Variants in NECTIN2 observed in about 807,000 individuals in gnomAD.
The protein encoded by NECTIN2 is nectin cell adhesion molecule 2.
In NECTIN2, 23 loss-of-function variants were observed where a neutral mutation model predicts 56.9. The ratio of observed to expected loss-of-function variants is 0.40; its 90% CI spans 0.29 to 0.57. The LOEUF is 0.57. Among genes scored for constraint, NECTIN2 ranks in the 20% least tolerant of loss-of-function variants. The probability of loss-of-function intolerance (pLI) is 0.38; values close to 1 mark genes in which losing one functional copy is unlikely to be tolerated. For missense variants in NECTIN2, 587 were observed against 718.3 expected (o/e 0.82, Z 2.09); for synonymous variants, 302 against 313.8 (o/e 0.96, Z 0.40).
At chr19:44,881,971 G>C (rs534935255) in intron 5 of NECTIN2, 2 of 363,814 alleles carry the variant, frequency 5.5e-6, no homozygotes, top group East Asian at 4.1e-5. Flanking sequence ...TGCCCAACCA[G>C]AATCAAAGTT....
chr19:44,878,845 G>A, intron 5 of NECTIN2: 1 of 1,324,066 alleles, frequency 7.6e-7, no homozygotes, highest in Non-Finnish European at 9.6e-7. Context: ...TGGGGATCCA[G>A]AGAGGACCCC....
intron 1 of NECTIN2, among the ~76,000 whole-genome samples, chr19:44,852,981 GC>G (rs1225008389): frequency 1.3e-5 from 2 of 151,968 alleles, no homozygotes; most frequent in African/African-American, 4.8e-5. Context: ...GTATGGTGGT[GC>G]CCGCCTGTAG....
chr19:44,864,475 G>A (rs1208448629), intron 1 of NECTIN2, among the ~76,000 whole-genome samples: 1 of 151,890 alleles, frequency 6.6e-6, no homozygotes, highest in Non-Finnish European at 1.5e-5. Flanking sequence ...TTGAAGTCTT[G>A]AGCCACTACC....
chr19:44,859,550 G>A (rs1194410036), intron 1 of NECTIN2, among the ~76,000 whole-genome samples: 2 of 152,174 alleles, frequency 1.3e-5, no homozygotes, highest in Non-Finnish European at 2.9e-5. Context: ...TGGGCCACAC[G>A]CCGTGGCTCA....
At chr19:44,860,113 CAT>C (rs1969014744) in intron 1 of NECTIN2, among the ~76,000 whole-genome samples, 2 of 152,150 alleles carry the variant, frequency 1.3e-5, no homozygotes, top group African/African-American at 4.8e-5. Context: ...ACAAAGGCTA[CAT>C]AGTCTATTAC....
At chr19:44,859,997 G>A (rs387369) in intron 1 of NECTIN2, among the ~76,000 whole-genome samples, 50,966 of 152,098 alleles carry the variant, frequency 0.34, 9,343 homozygotes, top group Non-Finnish European at 0.39. Context: ...AATGTGGTCC[G>A]TCCATGTAGT....
intron 1 of NECTIN2, among the ~76,000 whole-genome samples, chr19:44,856,473 TTGAAGAACCCGCAACGGC>T (rs1968966761): frequency 6.6e-6 from 1 of 152,110 alleles, no homozygotes; most frequent in Admixed American, 6.6e-5. Context: ...CATTCTCTAT[TTGAAGAACCCGCAACGGC>T]TCCCACTTGC....
chr19:44,869,097 T>G (rs8104483), intron 2 of NECTIN2, among the ~76,000 whole-genome samples: 43,063 of 151,638 alleles, frequency 0.28, 6,288 homozygotes, highest in Middle Eastern at 0.46. Flanking sequence ...CACAGCCGTT[T>G]TCCATAATAC....
chr19:44,887,344 G>A (rs760273089), intron 8 of NECTIN2, among the ~76,000 whole-genome samples: 18 of 149,190 alleles, frequency 1.2e-4, no homozygotes, highest in Admixed American at 9.4e-4. Flanking sequence ...GCAAGACTCC[G>A]TCTCAAAAAA....
intron 3 of NECTIN2, 42 bp from the exon 4 acceptor site, chr19:44,873,874 G>A: frequency 1.4e-6 from 2 of 1,475,118 alleles, no homozygotes; most frequent in Non-Finnish European, 1.9e-6. Context: ...ACCCGCTCTG[G>A]GATTCTCCTC....
intron 5 of NECTIN2, among the ~76,000 whole-genome samples, chr19:44,881,602 G>A (rs796744508): frequency 1.2e-3 from 177 of 151,766 alleles, no homozygotes; most frequent in African/African-American, 3.9e-3. Context: ...TGGGAGGATC[G>A]CTTGAGCCCA....
In NECTIN2 at chr19:44,878,314, G is replaced by A. The variant is rs1250989621; in HGVS notation, c.1042+3836G>A. 4 of 1,495,902 alleles carry A rather than the reference G, an allele frequency of 2.7e-6. No homozygotes were observed. The Admixed American group carries it at 7.9e-5, about 30-fold the overall frequency. The allele number at this position is 1,495,902 out of a possible 1,614,324, so 92.7% of individuals were successfully genotyped here. On this transcript the variant is annotated intron_variant, in intron 5 of 8. Coordinates refer to ENST00000252483, the MANE Select transcript of NECTIN2 (RefSeq NM_001042724.2). ...TGGTGCTGCTGCTTCTGGCTGGGGGGTCCTTGGCCTTCATCCTGCTGAGGG... is the reference window on the plus strand; with the variant it reads ...TGGTGCTGCTGCTTCTGGCTGGGGGATCCTTGGCCTTCATCCTGCTGAGGG...
intron 1 of NECTIN2, among the ~76,000 whole-genome samples, chr19:44,856,063 G>A (rs905398619): frequency 4.6e-5 from 7 of 152,196 alleles, no homozygotes; most frequent in Non-Finnish European, 5.9e-5. Flanking sequence ...CAGTTTGGGA[G>A]GCTAAGGTAG....
At chr19:44,868,912 GA>G (rs147253426) in intron 2 of NECTIN2, among the ~76,000 whole-genome samples, 225 of 143,732 alleles carry the variant, frequency 1.6e-3, no homozygotes, top group Non-Finnish European at 1.3e-3. Flanking sequence ...ACTCTGTCTG[GA>G]AAAAAAAAAA....
In NECTIN2 at chr19:44,879,397, C is replaced by T. The variant is rs566665827; in HGVS notation, c.1043-2814C>T. On this transcript the variant is annotated intron_variant, in intron 5 of 8. Transcript: ENST00000252483. ...CCAGTGGAGCCTCAGACCTCAACTCCCCCAGGTTGCTGGGGGTCTCGGGAG... is the reference window on the plus strand; with the variant it reads ...CCAGTGGAGCCTCAGACCTCAACTCTCCCAGGTTGCTGGGGGTCTCGGGAG... 1.8e-3 allele frequency among the ~76,000 whole-genome samples: 268 copies of T among 152,174 alleles called. 1 individual carries two copies. Among genetic ancestry groups the T allele is most frequent in the African/African-American group, 6.3e-3 (261 of 41,516 alleles).
intron 8 of NECTIN2, among the ~76,000 whole-genome samples, chr19:44,886,727 A>G (rs112105060): frequency 6.6e-6 from 1 of 151,572 alleles, no homozygotes; most frequent in South Asian, 2.1e-4. Context: ...GTCTCAAAAA[A>G]ATAAATAAAA....
intron 1 of NECTIN2, among the ~76,000 whole-genome samples, chr19:44,858,449 A>C (rs1968993469): frequency 6.6e-6 from 1 of 151,938 alleles, no homozygotes; most frequent in Admixed American, 6.6e-5. Context: ...CAGCCTCCCA[A>C]GTAGCTGGGA....
intron 1 of NECTIN2, among the ~76,000 whole-genome samples, chr19:44,860,082 G>A (rs981264522): frequency 6.6e-6 from 1 of 152,168 alleles, no homozygotes; most frequent in African/African-American, 2.4e-5. Flanking sequence ...AAAACAAGAT[G>A]CCAAGTGAAA....
intron 8 of NECTIN2, among the ~76,000 whole-genome samples, chr19:44,887,697 A>C (rs1462004234): frequency 1.3e-5 from 2 of 152,178 alleles, no homozygotes; most frequent in Non-Finnish European, 2.9e-5. Flanking sequence ...CATTTGCTGG[A>C]TACTGTGCCT....
Sources: gnomAD v4.1 joint callset for allele counts (sites outside exome capture counted in the v4.1 genomes callset) on GRCh38, gnomAD v4.1.1 for gene constraint, MANE v1.5 for transcripts, NCBI Gene and HGNC (gene_info 2026-07-23, HGNC 2026-07-21) for gene names.